FOCAD: variants seen among roughly 807,000 people sequenced by gnomAD.
FOCAD encodes the protein focadhesin, also known as KIAA1797.
FOCAD carries 198 observed loss-of-function variants against 225.6 expected under a neutral mutation model. The ratio of observed to expected loss-of-function variants is 0.88; its 90% CI spans 0.78 to 0.99. The LOEUF (loss-of-function observed/expected upper bound fraction) is 0.99, where lower values mean the gene tolerates loss of function less well. Ranked by LOEUF, FOCAD falls within the 50% of genes least tolerant of loss-of-function variation. The pLI is 0.00. For synonymous variants in FOCAD, 897 were observed against 755.0 expected (o/e 1.19, Z -3.08); for missense variants, 2,713 against 2,123.6 (o/e 1.28, Z -5.46).
chr9:20,808,431 G>T (rs1226153248), intron 11 of FOCAD, among the ~76,000 whole-genome samples: 1 of 152,176 alleles, frequency 6.6e-6, no homozygotes, highest in Non-Finnish European at 1.5e-5. Flanking sequence ...GTGACCCTAA[G>T]TATACTGGAA....
intron 5 of FOCAD, among the ~76,000 whole-genome samples, chr9:20,756,595 A>T (rs1182717353): frequency 6.6e-6 from 1 of 152,170 alleles, no homozygotes; most frequent in Non-Finnish European, 1.5e-5. Context: ...TCTACAGCTA[A>T]TCTAACTTGC....
At position 20,789,625 on chromosome 9, in the gene FOCAD, A is replaced by G; in HGVS notation, c.1455+17A>G. 1 of 1,612,896 alleles carries G rather than the reference A, an allele frequency of 6.2e-7. No homozygotes were observed. The highest frequency in any genetic ancestry group is 8.5e-7 in the Non-Finnish European group (1 of 1,179,078). ...TCCTCCCAGGTAAAGCAAGAGAATA[A>G]TGGAACAATAATGAGAGGAAAGCTT... On this transcript the variant is annotated intron_variant, in intron 11 of 43. Coordinates refer to ENST00000338382, the MANE Select transcript of FOCAD (RefSeq NM_001375567.1).
chr9:20,983,391 G>A (rs1256847652), intron 39 of FOCAD, among the ~76,000 whole-genome samples: 3 of 151,998 alleles, frequency 2.0e-5, no homozygotes, highest in Non-Finnish European at 2.9e-5. Flanking sequence ...GGCCAACATG[G>A]TGAAACCCCG....
Position 20,770,235 on chromosome 9 carries a change from G to A in FOCAD, c.903G>A (p.Lys301=). Residue 301 remains lysine, a synonymous_variant, in exon 8 of 44, where the codon AAG becomes AAA. Coordinates refer to ENST00000338382, the MANE Select transcript of FOCAD (RefSeq NM_001375567.1). ...TAGAGCACAGTGTTGAACTTCTGAA[G>A]GAGGTAAGGATAGTAGTATATTATA... ...HLLEHSVELL[K]EDFPVELVII... is the part of the protein sequence containing the mutation. The A allele has an allele frequency of 1.9e-6, 3 of 1,612,978 alleles. No homozygotes were observed. The highest frequency in any genetic ancestry group is 2.5e-6 in the Non-Finnish European group (3 of 1,179,138).
intron 2 of FOCAD, among the ~76,000 whole-genome samples, chr9:20,679,018 T>C (rs1057016408): frequency 3.1e-4 from 47 of 152,126 alleles, no homozygotes; most frequent in African/African-American, 1.1e-3. Context: ...CACAAAGATA[T>C]CTGGGGAGAA....
At chr9:20,836,066 T>C (rs1825967685) in intron 15 of FOCAD, among the ~76,000 whole-genome samples, 1 of 152,082 alleles carries the variant, frequency 6.6e-6, no homozygotes, top group South Asian at 2.1e-4. Context: ...TGGAAGATAG[T>C]TGTCCCTGCC....
chr9:20,919,345 T>G (rs199749408), intron 24 of FOCAD, among the ~76,000 whole-genome samples: 2 of 152,186 alleles, frequency 1.3e-5, no homozygotes, highest in African/African-American at 4.8e-5. Context: ...ACATTCCATG[T>G]TCCTGGGTAG....
In FOCAD at chr9:20,978,941, T is replaced by C. The variant is rs1301111588; in HGVS notation, c.4377+487T>C. ...ACCAGGGGATGTAGGTGGGAGAGTG[T>C]AAGTGGAGAGCATGAAAGATCTCTA... On this transcript the variant is annotated intron_variant, in intron 37 of 43. Transcript: ENST00000338382. Among the ~76,000 whole-genome samples the C allele has an allele frequency of 2.0e-5, 3 of 152,160 alleles. No individual in the cohort carries two copies. The East Asian group carries it at 5.8e-4, about 29-fold the overall frequency.
intron 2 of FOCAD, among the ~76,000 whole-genome samples, chr9:20,716,740 T>G (rs1240411510): frequency 6.6e-6 from 1 of 152,204 alleles, no homozygotes; most frequent in Non-Finnish European, 1.5e-5. Context: ...GATTTTAACA[T>G]CTTTGAAATT....
At chr9:20,817,611 G>A (rs1416184566) in intron 11 of FOCAD, among the ~76,000 whole-genome samples, 3 of 150,452 alleles carry the variant, frequency 2.0e-5, no homozygotes, top group Non-Finnish European at 2.9e-5. Context: ...GTTGTTCTGG[G>A]CATTCTGCTC....
At chr9:20,836,610 A>G (rs1826014861) in intron 15 of FOCAD, among the ~76,000 whole-genome samples, 1 of 152,080 alleles carries the variant, frequency 6.6e-6, no homozygotes, top group Non-Finnish European at 1.5e-5. Context: ...ATACTACACA[A>G]TGACTCTTTG....
At chr9:20,945,353 C>G (rs374583640) in intron 29 of FOCAD, among the ~76,000 whole-genome samples, 1 of 152,106 alleles carries the variant, frequency 6.6e-6, no homozygotes, top group Non-Finnish European at 1.5e-5. Flanking sequence ...CTATTTTGCC[C>G]AGGTGAAGCT....
chr9:20,796,647 CT>C (rs1420969629), intron 11 of FOCAD, among the ~76,000 whole-genome samples: 1 of 152,138 alleles, frequency 6.6e-6, no homozygotes, highest in Non-Finnish European at 1.5e-5. Flanking sequence ...CCTTTGCCCA[CT>C]TTTTGATGGG....
chr9:20,944,595 A>T (rs370108648), intron 28 of FOCAD, 32 bp from the exon 29 acceptor site: 5 of 1,599,826 alleles, frequency 3.1e-6, no homozygotes, highest in Non-Finnish European at 4.3e-6. Flanking sequence ...ATTTCTTATG[A>T]TCCTAACATC....
At chr9:20,703,256 G>C (rs1462741358) in intron 1 of FOCAD, among the ~76,000 whole-genome samples, 1 of 152,066 alleles carries the variant, frequency 6.6e-6, no homozygotes, top group Non-Finnish European at 1.5e-5. Context: ...TTGAACAATT[G>C]AACAAGTCAA....
chr9:20,831,567 G>C (rs1158509256), intron 15 of FOCAD, among the ~76,000 whole-genome samples: 1 of 152,030 alleles, frequency 6.6e-6, no homozygotes, highest in Non-Finnish European at 1.5e-5. Context: ...TCGGGGGAGA[G>C]ATAGAAGACA....
chr9:20,856,786 T>G (rs1161198402), intron 15 of FOCAD, among the ~76,000 whole-genome samples: 1 of 152,032 alleles, frequency 6.6e-6, no homozygotes, highest in Non-Finnish European at 1.5e-5. Flanking sequence ...GAGATAGGGG[T>G]CAAGTTTCAT....
intron 31 of FOCAD, 136 bp downstream of exon 31, chr9:20,948,529 C>A: frequency 2.1e-6 from 2 of 965,150 alleles, no homozygotes; most frequent in Non-Finnish European, 3.0e-6. Context: ...AAAGAGATCA[C>A]ATACTTTTAA....
intron 4 of FOCAD, among the ~76,000 whole-genome samples, chr9:20,721,344 C>T (rs528473795): frequency 1.4e-4 from 21 of 152,218 alleles, no homozygotes; most frequent in East Asian, 1.4e-3. Context: ...ATAGTATCAT[C>T]GGGCTGAGTA....
Sources: gnomAD v4.1 joint callset for allele counts (sites outside exome capture counted in the v4.1 genomes callset) on GRCh38, gnomAD v4.1.1 for gene constraint, MANE v1.5 for transcripts, NCBI Gene and HGNC (gene_info 2026-07-23, HGNC 2026-07-21) for gene names.